The following HDDC2 variants were observed in gnomAD, a reference collection of about 807,000 sequenced individuals.
The protein encoded by HDDC2 is 5'-deoxynucleotidase HDDC2.
In HDDC2, 25 loss-of-function variants were observed where a neutral mutation model predicts 25.5. That is an observed-to-expected ratio of 0.98 (90% CI 0.72 to 1.37). The LOEUF (loss-of-function observed/expected upper bound fraction) is 1.37, where lower values mean the gene tolerates loss of function less well. HDDC2 is among the 40% of genes most tolerant of loss of function. The pLI is 0.00. For synonymous variants in HDDC2, 106 were observed against 89.7 expected, an observed-to-expected ratio of 1.18 and a Z score of -1.03; for missense variants, 264 against 253.1, an observed-to-expected ratio of 1.04 and a Z score of -0.29.
At chr6:125,276,359 C>T (rs1035130292) in intron 5 of HDDC2, 116 bp from the exon 6 acceptor site, 2 of 737,990 alleles carry the variant, frequency 2.7e-6, no homozygotes, top group African/African-American at 1.8e-5. Context: ...CTGACCCACA[C>T]TTCATTCCAA....
Position 125,276,017 on chromosome 6 carries a change from G to A in HDDC2, c.*129C>T, listed in dbSNP as rs1798363274. 2.9e-6 allele frequency: 2 copies of A among 696,702 alleles called. No homozygotes were observed. Among genetic ancestry groups the A allele is most frequent in the South Asian group, 3.6e-5 (2 of 55,000 alleles). The allele number at this position is 696,702 out of a possible 1,614,324, so 43.2% of individuals were successfully genotyped here. A position where few individuals can be genotyped will look rare whatever the true frequency, so the allele number is the denominator to read the frequency against. ...CCCAAGTTGTATCACATTTCTTGCTGAAGTTCAGACAATTGAAAACAAACA... is the reference window on the plus strand; with the variant it reads ...CCCAAGTTGTATCACATTTCTTGCTAAAGTTCAGACAATTGAAAACAAACA... On this transcript the variant is annotated 3_prime_UTR_variant, in exon 6 of 6. Coordinates refer to ENST00000398153, the MANE Select transcript of HDDC2 (RefSeq NM_016063.3).
At chr6:125,284,432 T>C (rs983379942) in intron 4 of HDDC2, among the ~76,000 whole-genome samples, 4 of 152,004 alleles carry the variant, frequency 2.6e-5, no homozygotes, top group African/African-American at 7.3e-5. Flanking sequence ...AGGGCTAATA[T>C]CCAGAATCTA....
intron 3 of HDDC2, among the ~76,000 whole-genome samples, chr6:125,293,666 C>T (rs918542056): frequency 1.3e-5 from 2 of 152,134 alleles, no homozygotes; most frequent in Non-Finnish European, 2.9e-5. Flanking sequence ...AAAATTTTCC[C>T]TGTAGTTCTT....
At chr6:125,297,709 G>A (rs1798725375) in intron 3 of HDDC2, 2 of 393,658 alleles carry the variant, frequency 5.1e-6, no homozygotes, top group Middle Eastern at 6.4e-4. Context: ...CAGCAATTTA[G>A]GACCAATCTC....
Position 125,277,142 on chromosome 6 carries a change from G to A in HDDC2, c.477C>T (p.His159=). Residue 159 remains histidine (H), a synonymous_variant, in exon 5 of 6, where the codon CAC becomes CAT. Transcript: ENST00000398153. The part of the protein sequence containing the change: ...LQASEYEDLE[H]KPGRLQDFYD... ...AGAAGTCTTGCAGTCTCCCAGGTTT[G>A]TGTTCAAGGTCTTCATATTCAGATG... 1 of 1,614,064 alleles carries A rather than the reference G, an allele frequency of 6.2e-7. No homozygotes were observed. The highest frequency in any genetic ancestry group is 8.5e-7 in the Non-Finnish European group (1 of 1,179,978).
intron 4 of HDDC2, among the ~76,000 whole-genome samples, chr6:125,280,113 C>T (rs545391900): frequency 3.4e-4 from 52 of 152,254 alleles, no homozygotes; most frequent in African/African-American, 1.0e-3. Flanking sequence ...GATGAGGTGT[C>T]GCCTCACCCA....
chr6:125,293,595 T>G (rs1798662455), intron 3 of HDDC2, among the ~76,000 whole-genome samples: 1 of 152,152 alleles, frequency 6.6e-6, no homozygotes, highest in Non-Finnish European at 1.5e-5. Flanking sequence ...GTAGGGAGCC[T>G]AGTACCTCAA....
chr6:125,283,023 A>G (rs1798481373), intron 4 of HDDC2, among the ~76,000 whole-genome samples: 1 of 152,266 alleles, frequency 6.6e-6, no homozygotes, highest in South Asian at 2.1e-4. Context: ...ATGCAAATCA[A>G]TAAACATAAT....
intron 3 of HDDC2, among the ~76,000 whole-genome samples, chr6:125,298,019 C>A (rs1366522536): frequency 6.6e-6 from 1 of 152,156 alleles, no homozygotes; most frequent in Non-Finnish European, 1.5e-5. Context: ...TATAGAACTT[C>A]TCTCCAAAAA....
At chr6:125,286,843 A>T (rs977756521) in intron 4 of HDDC2, among the ~76,000 whole-genome samples, 2 of 152,218 alleles carry the variant, frequency 1.3e-5, no homozygotes, top group Non-Finnish European at 2.9e-5. Context: ...GAAGCACAAA[A>T]TTATTTCAGC....
At chr6:125,296,154 TAC>T (rs1020399028) in intron 3 of HDDC2, among the ~76,000 whole-genome samples, 3 of 151,546 alleles carry the variant, frequency 2.0e-5, no homozygotes, top group Non-Finnish European at 4.4e-5. Context: ...TAAAAAACAA[TAC>T]AGTGTTATCA....
intron 4 of HDDC2, among the ~76,000 whole-genome samples, chr6:125,286,309 A>G (rs952694397): frequency 1.3e-5 from 2 of 152,244 alleles, no homozygotes; most frequent in Non-Finnish European, 2.9e-5. Context: ...TGTTTTAACA[A>G]TGTAGATATA....
intron 5 of HDDC2, 36 bp downstream of exon 5, chr6:125,277,066 C>CTTT (rs1413160868): frequency 6.2e-7 from 1 of 1,611,328 alleles, no homozygotes; most frequent in African/African-American, 1.3e-5. Context: ...GTAAGCCAAA[C>CTTT]TAAAATGGAC....
chr6:125,288,559 T>A (rs147300715), intron 4 of HDDC2, among the ~76,000 whole-genome samples: 277 of 152,136 alleles, frequency 1.8e-3, no homozygotes, highest in African/African-American at 6.2e-3. Flanking sequence ...ACAGGAAGAT[T>A]AAACATTTCG....
At chr6:125,300,488 CA>C in intron 2 of HDDC2, 49 bp downstream of exon 2, 1 of 1,584,112 alleles carries the variant, frequency 6.3e-7, no homozygotes, top group Admixed American at 1.8e-5. Context: ...AACGGGTGCA[CA>C]CCCATAGACC....
chr6:125,283,486 A>G (rs554626200), intron 4 of HDDC2, among the ~76,000 whole-genome samples: 14 of 152,372 alleles, frequency 9.2e-5, no homozygotes, highest in African/African-American at 3.4e-4. Context: ...TACAAAATCA[A>G]TGTGCAAAAA....
At chr6:125,276,730 T>G (rs1261155794) in intron 5 of HDDC2, 1 of 268,502 alleles carries the variant, frequency 3.7e-6, no homozygotes, top group African/African-American at 2.2e-5. Context: ...TACACTTCAA[T>G]TGGCTGATCT....
intron 5 of HDDC2, chr6:125,276,636 T>G: frequency 4.1e-6 from 1 of 244,996 alleles, no homozygotes; most frequent in South Asian, 8.1e-5. Context: ...CACCTATATA[T>G]GAAAAGACAA....
In HDDC2 at chr6:125,301,853, A is replaced by G. The variant is rs760014697; in HGVS notation, c.80T>C (p.Leu27Pro). ...CCCGGCCTGGTGCCCGCTCACCTTGAGCTGCCCTACCAGCCGCAGGAACTG... is the reference window on the plus strand; with the variant it reads ...CCCGGCCTGGTGCCCGCTCACCTTGGGCTGCCCTACCAGCCGCAGGAACTG... ...LLQFLRLVGQLKRVPRTGWVY... is the reference protein window; with the variant it reads ...LLQFLRLVGQPKRVPRTGWVY... Residue 27 changes from leucine (L) to proline (P), a missense_variant, in exon 1 of 6, where the codon CTC (leucine) becomes CCC (proline). Coordinates refer to ENST00000398153, the MANE Select transcript of HDDC2 (RefSeq NM_016063.3). 1.2e-5 allele frequency: 18 copies of G among 1,543,310 alleles called. No homozygotes were observed. The highest frequency in any genetic ancestry group is 1.7e-6 in the Non-Finnish European group (2 of 1,146,434).
Sources: allele counts gnomAD v4.1 joint callset (sites outside exome capture counted in the v4.1 genomes callset), GRCh38; gene constraint gnomAD v4.1.1; transcripts MANE v1.5; gene names NCBI Gene and HGNC (gene_info 2026-07-23, HGNC 2026-07-21).